XIST: variants seen among roughly 807,000 people sequenced by gnomAD.
The protein encoded by XIST is X inactive specific transcript (non-protein coding).
exon 1 of XIST, chrX:73,851,057 G>C (rs768803648): frequency 5.4e-6 from 3 of 557,944 alleles, no homozygotes; most frequent in Non-Finnish European, 9.7e-6. Flanking sequence ...TGAGTAGCTG[G>C]ACAGTGTGTC....
At chrX:73,845,970 G>C (rs758690042) in exon 1 of XIST, 1 of 554,005 alleles carries the variant, frequency 1.8e-6, no homozygotes, top group Admixed American at 2.2e-5. Flanking sequence ...TATTCAGATG[G>C]AATGGGCAAA....
chrX:73,842,551 T>C, exon 1 of XIST: 1 of 558,708 alleles, frequency 1.8e-6, no homozygotes, highest in Non-Finnish European at 3.2e-6. Context: ...CTTTTCATAG[T>C]CAACACTGCA....
chrX:73,842,488 C>T (rs766403625), exon 1 of XIST: 36 of 552,776 alleles, frequency 6.5e-5, no homozygotes, highest in Admixed American at 6.3e-4. Flanking sequence ...AAACTAGGAT[C>T]ATTAATAAAT....
In XIST at chrX:73,826,634, G is replaced by A. The variant is rs764470212; in HGVS notation, n.13267C>T. 8 of 557,432 alleles carry A rather than the reference G, an allele frequency of 1.4e-5. No individual in the cohort carries two copies. In the African/African-American group the frequency reaches 1.8e-4, roughly 12 times the overall value. 45.9% of individuals were successfully genotyped at this position (557,432 alleles called of 1,213,427 possible). A position where few individuals can be genotyped will look rare whatever the true frequency, so the allele number is the denominator to read the frequency against. ...AGTGTAAACAATAGAAAAGAGGTAG[G>A]GTTTAGGGTTCTCATCTTGGGATTT... On this transcript the variant is annotated non_coding_transcript_exon_variant, in exon 6 of 6. Transcript: ENST00000429829.
exon 6 of XIST, chrX:73,820,758 T>G (rs777192462): frequency 2.2e-5 from 12 of 555,703 alleles, no homozygotes; most frequent in Non-Finnish European, 3.9e-5. Context: ...TGGTCACCCA[T>G]GCTGAACAAT....
chrX:73,821,943 C>A (rs755619693), exon 6 of XIST: 16 of 556,588 alleles, frequency 2.9e-5, no homozygotes, highest in Non-Finnish European at 5.2e-5. Flanking sequence ...GAAGCTGTTG[C>A]ATGAGAAATC....
chrX:73,833,350 T>G (rs1194494467), exon 3 of XIST: 1 of 554,936 alleles, frequency 1.8e-6, no homozygotes, highest in Non-Finnish European at 3.2e-6. Flanking sequence ...TTTGCAGTCC[T>G]CAGGTCTCAC....
chrX:73,850,049 G>C, exon 1 of XIST: 1 of 559,048 alleles, frequency 1.8e-6, no homozygotes, highest in Non-Finnish European at 3.2e-6. Context: ...TTTCCTGTCT[G>C]ATAAGTAGGT....
chrX:73,825,067 T>C, exon 6 of XIST: 1 of 515,104 alleles, frequency 1.9e-6, no homozygotes, highest in Non-Finnish European at 3.5e-6. Flanking sequence ...CTTTCTGAAA[T>C]TTTTTGTTCT....
At chrX:73,847,175 T>A (rs1922792962) in exon 1 of XIST, 1 of 557,386 alleles carries the variant, frequency 1.8e-6, no homozygotes, top group African/African-American at 2.2e-5. Flanking sequence ...GCAGCAAATA[T>A]AAGTATGCAC....
At chrX:73,830,178 T>C (rs1449601048) in intron 4 of XIST, among the ~76,000 whole-genome samples, 1 of 111,750 alleles carries the variant, frequency 8.9e-6, no homozygotes, top group Admixed American at 9.5e-5. Flanking sequence ...CATAGACTAC[T>C]GGCCCTAGGA....
At chrX:73,851,059 C>G (rs748462940) in exon 1 of XIST, 3 of 557,975 alleles carry the variant, frequency 5.4e-6, no homozygotes, top group Non-Finnish European at 9.7e-6. Flanking sequence ...AGTAGCTGGA[C>G]AGTGTGTCAT....
exon 6 of XIST, chrX:73,826,867 G>A (rs755688593): frequency 5.4e-6 from 3 of 558,740 alleles, no homozygotes; most frequent in South Asian, 4.4e-5. Context: ...ACAAGTCTCA[G>A]TTCTTAGGCC....
At chrX:73,846,950 A>C in exon 1 of XIST, 1 of 559,270 alleles carries the variant, frequency 1.8e-6, no homozygotes. Context: ...TGCCATCTAC[A>C]GTTCGAAGAG....
At chrX:73,821,456 C>T (rs891975365) in exon 6 of XIST, 8 of 555,855 alleles carry the variant, frequency 1.4e-5, no homozygotes, top group African/African-American at 8.9e-5. Context: ...TCTTACCTAA[C>T]ACAAGGTTTA....
At chrX:73,829,056 T>C (rs1234217282) in intron 5 of XIST, 2 of 553,120 alleles carry the variant, frequency 3.6e-6, no homozygotes, top group Non-Finnish European at 6.5e-6. Context: ...GACTGCAACA[T>C]CAACAACTTA....
chrX:73,844,942 G>A (rs1411637908), exon 1 of XIST: 3 of 550,783 alleles, frequency 5.4e-6, no homozygotes, highest in East Asian at 3.3e-5. Flanking sequence ...GGGTGGGGTG[G>A]GGCAGGGGAG....
chrX:73,824,475 T>C lies in XIST; in HGVS notation n.15426A>G, dbSNP rs772413726. ...TGTGGCTAAATGAAATATGATAAAT[T>C]TTCAGTGCCTTTAACAGTGAGTTCA... On this transcript the variant is annotated non_coding_transcript_exon_variant, in exon 6 of 6. Transcript: ENST00000429829. 2.9e-5 allele frequency: 16 copies of C among 556,021 alleles called. No individual in the cohort carries two copies. In the African/African-American group the frequency reaches 3.3e-4, roughly 12 times the overall value. The allele number at this position is 556,021 out of a possible 1,213,427, so 45.8% of individuals were successfully genotyped here. A position where few individuals can be genotyped will look rare whatever the true frequency, so the allele number is the denominator to read the frequency against.
At chrX:73,852,171 A>G (rs1246706967) in exon 1 of XIST, 6 of 538,710 alleles carry the variant, frequency 1.1e-5, no homozygotes, top group Non-Finnish European at 2.0e-5. Flanking sequence ...TAAAAAGCAG[A>G]TATCCGTCAC....
Sources: allele counts gnomAD v4.1 joint callset (sites outside exome capture counted in the v4.1 genomes callset), GRCh38; gene constraint gnomAD v4.1.1; transcripts MANE v1.5; gene names NCBI Gene and HGNC (gene_info 2026-07-23, HGNC 2026-07-21).